The following CDH13 variants were observed in gnomAD, a reference collection of about 807,000 sequenced individuals.
The protein encoded by CDH13 is cadherin 13.
In CDH13, 24 loss-of-function variants were observed where a neutral mutation model predicts 63.8. The observed-to-expected ratio is 0.38, with a 90% confidence interval of 0.27 to 0.53. CDH13 has a LOEUF of 0.53. Ranked by LOEUF, CDH13 falls within the 20% of genes least tolerant of loss-of-function variation. The pLI, the probability that CDH13 is intolerant of heterozygous loss-of-function variation, is 0.85. For synonymous variants in CDH13, 503 were observed against 355.3 expected, an observed-to-expected ratio of 1.42 and a Z score of -4.67; for missense variants, 1,049 against 903.1, an observed-to-expected ratio of 1.16 and a Z score of -2.07.
Position 82,804,770 on chromosome 16 carries a change from T to A in CDH13, c.46-53592T>A, listed in dbSNP as rs141738937. 3.3e-4 allele frequency among the ~76,000 whole-genome samples: 51 copies of A among 152,290 alleles called. No homozygotes were observed. In the East Asian group the frequency reaches 9.7e-3, roughly 29 times the overall value. ...AGGTATCTCACAGAGAAGAAAACAC[T>A]ATGAATTCATGACCCATTTGCATAG... On this transcript the variant is annotated intron_variant, in intron 1 of 13. Transcript: ENST00000567109.
chr16:83,090,336 G>T (rs916645590), intron 3 of CDH13, among the ~76,000 whole-genome samples: 1 of 152,108 alleles, frequency 6.6e-6, no homozygotes, highest in African/African-American at 2.4e-5. Context: ...AGCACTTTGG[G>T]AGGCCGAGGC....
At chr16:83,407,835 A>C (rs573030075) in intron 6 of CDH13, among the ~76,000 whole-genome samples, 1 of 152,196 alleles carries the variant, frequency 6.6e-6, no homozygotes, top group East Asian at 1.9e-4. Context: ...TTCTTTTTGT[A>C]ATTGACTTAC....
intron 10 of CDH13, among the ~76,000 whole-genome samples, chr16:83,734,812 C>T (rs984697476): frequency 6.6e-6 from 1 of 151,124 alleles, no homozygotes; most frequent in Non-Finnish European, 1.5e-5. Context: ...AGCAGGTGGT[C>T]CTTTAGGCAA....
chr16:82,704,657 G>A lies in CDH13; in HGVS notation c.45+77520G>A, dbSNP rs138244269. 1.6e-3 allele frequency among the ~76,000 whole-genome samples: 241 copies of A among 152,324 alleles called. 1 individual carries two copies. Among genetic ancestry groups the A allele is most frequent in the African/African-American group, 5.4e-3 (225 of 41,582 alleles). Reference sequence around the variant, plus strand: ...CCTTTTCCTGGCCTGGGGGGTCCAGGAAGGTTTCCCAGAGGAAGAAGCAGG... The same window carrying A: ...CCTTTTCCTGGCCTGGGGGGTCCAGAAAGGTTTCCCAGAGGAAGAAGCAGG... On this transcript the variant is annotated intron_variant, in intron 1 of 13. Transcript: ENST00000567109.
intron 7 of CDH13, among the ~76,000 whole-genome samples, chr16:83,505,244 G>A (rs1423492630): frequency 6.6e-6 from 1 of 152,186 alleles, no homozygotes; most frequent in Non-Finnish European, 1.5e-5. Flanking sequence ...TTGTTTCTCA[G>A]TTCTAACTGT....
At chr16:83,279,522 G>A (rs1015207348) in intron 5 of CDH13, among the ~76,000 whole-genome samples, 6 of 152,112 alleles carry the variant, frequency 3.9e-5, no homozygotes, top group Non-Finnish European at 5.9e-5. Flanking sequence ...GGAAACCGCT[G>A]CTAAAAATGG....
At chr16:83,007,821 T>C (rs1480799481) in intron 2 of CDH13, among the ~76,000 whole-genome samples, 1 of 143,640 alleles carries the variant, frequency 7.0e-6, no homozygotes, top group African/African-American at 2.7e-5. Flanking sequence ...AAGACGACTC[T>C]GTCAAAAAAA....
chr16:82,854,773 T>G (rs1309331715), intron 1 of CDH13, among the ~76,000 whole-genome samples: 1 of 152,236 alleles, frequency 6.6e-6, no homozygotes, highest in Non-Finnish European at 1.5e-5. Flanking sequence ...CCCAGAGAGA[T>G]CTATATTTTC....
At chr16:82,810,642 A>G (rs2037396785) in intron 1 of CDH13, among the ~76,000 whole-genome samples, 2 of 152,160 alleles carry the variant, frequency 1.3e-5, no homozygotes, top group African/African-American at 2.4e-5. Flanking sequence ...CATGATTCTC[A>G]GCCCCCATGG....
At chr16:82,726,869 G>C (rs1328559328) in intron 1 of CDH13, among the ~76,000 whole-genome samples, 2 of 152,168 alleles carry the variant, frequency 1.3e-5, no homozygotes, top group Admixed American at 1.3e-4. Context: ...CCATTTCCCA[G>C]ATGAAAACAC....
rs538042021 is a variant in CDH13 at position 83,001,170 on chromosome 16, CA to C, written c.158-30834del. The stretch of plus-strand genomic sequence containing the variant: ...GAAAAAGATGACTTTATATTTATTC[CA>C]AAAAACCCCTGTGGTGACCACACAG... On this transcript the variant is annotated intron_variant, in intron 2 of 13. Transcript: ENST00000567109. 1.1e-3 allele frequency among the ~76,000 whole-genome samples: 175 copies of C among 152,236 alleles called. 2 individuals are homozygous for C. The highest frequency in any genetic ancestry group is 3.4e-3 in the Middle Eastern group (1 of 294).
At chr16:83,338,478 C>T (rs1332330300) in intron 5 of CDH13, among the ~76,000 whole-genome samples, 1 of 152,190 alleles carries the variant, frequency 6.6e-6, no homozygotes, top group Non-Finnish European at 1.5e-5. Flanking sequence ...GTCCAGGCTT[C>T]AGGATTTGCT....
chr16:83,095,730 A>G (rs541945846), intron 3 of CDH13, among the ~76,000 whole-genome samples: 1 of 152,288 alleles, frequency 6.6e-6, no homozygotes, highest in Non-Finnish European at 1.5e-5. Flanking sequence ...GATAGTAGTA[A>G]AAAATCAAGT....
At chr16:83,651,358 C>T (rs1912357352) in intron 8 of CDH13, among the ~76,000 whole-genome samples, 1 of 152,052 alleles carries the variant, frequency 6.6e-6, no homozygotes, top group Non-Finnish European at 1.5e-5. Flanking sequence ...TAACAATGTG[C>T]ATTTTATTGC....
At chr16:82,799,287 A>G (rs2036738294) in intron 1 of CDH13, among the ~76,000 whole-genome samples, 1 of 152,236 alleles carries the variant, frequency 6.6e-6, no homozygotes, top group Non-Finnish European at 1.5e-5. Context: ...ATTGATACTC[A>G]TGAAAGTTGG....
rs111927241 is a variant in CDH13 at position 83,775,121 on chromosome 16, T to C, written c.1682-4847T>C. Among the ~76,000 whole-genome samples, 264 of 151,884 alleles carry C rather than the reference T, an allele frequency of 1.7e-3. 2 individuals are homozygous for C. Among genetic ancestry groups the C allele is most frequent in the South Asian group, 2.9e-3 (14 of 4,820 alleles). ...TGGTGGAGAAAGTATAGGTTAATGC[T>C]TGCTCTAGAGAAGGAGGCCTGACAC... On this transcript the variant is annotated intron_variant, in intron 11 of 13. Coordinates refer to ENST00000567109, the MANE Select transcript of CDH13 (RefSeq NM_001257.5).
chr16:83,289,544 C>T (rs1464493039), intron 5 of CDH13, among the ~76,000 whole-genome samples: 1 of 152,144 alleles, frequency 6.6e-6, no homozygotes, highest in African/African-American at 2.4e-5. Context: ...TTTTATCCTT[C>T]TCTTATTTGA....
At chr16:83,284,380 T>A (rs1044876338) in intron 5 of CDH13, among the ~76,000 whole-genome samples, 2 of 152,194 alleles carry the variant, frequency 1.3e-5, no homozygotes, top group Non-Finnish European at 2.9e-5. Flanking sequence ...TGAGATACGA[T>A]ACTACCACCT....
At chr16:83,058,948 A>T (rs1304910153) in intron 3 of CDH13, among the ~76,000 whole-genome samples, 1 of 152,098 alleles carries the variant, frequency 6.6e-6, no homozygotes, top group Non-Finnish European at 1.5e-5. Context: ...GTTATGTGCA[A>T]ATCTAATCCA....
Sources: gnomAD v4.1 joint callset for allele counts (sites outside exome capture counted in the v4.1 genomes callset) on GRCh38, gnomAD v4.1.1 for gene constraint, MANE v1.5 for transcripts, NCBI Gene and HGNC (gene_info 2026-07-23, HGNC 2026-07-21) for gene names.